ROR2: variants seen among roughly 807,000 people sequenced by gnomAD.
ROR2 encodes the protein tyrosine-protein kinase transmembrane receptor ROR2.
ROR2 carries 33 observed loss-of-function variants against 74.9 expected under a neutral mutation model. The observed-to-expected ratio is 0.44, with a 90% CI of 0.33 to 0.59. ROR2 has a LOEUF of 0.59. Ranked by LOEUF, ROR2 falls within the 20% of genes least tolerant of loss-of-function variation. The pLI is 0.02. For missense variants in ROR2, 1,216 were observed against 1,313.8 expected, an observed-to-expected ratio of 0.93 and a Z score of 1.15; for synonymous variants, 586 against 558.7, an observed-to-expected ratio of 1.05 and a Z score of -0.69.
intron 1 of ROR2, among the ~76,000 whole-genome samples, chr9:91,853,737 G>C (rs1332650703): frequency 6.6e-6 from 1 of 152,200 alleles, no homozygotes; most frequent in Non-Finnish European, 1.5e-5. Context: ...GGCTGATGCT[G>C]TGACAGTAGC....
At chr9:91,789,198 A>G (rs1403343690) in intron 1 of ROR2, among the ~76,000 whole-genome samples, 1 of 152,250 alleles carries the variant, frequency 6.6e-6, no homozygotes, top group Non-Finnish European at 1.5e-5. Flanking sequence ...GCACTGAAAT[A>G]TCAGACTGTG....
chr9:91,785,207 G>A (rs1826756711), intron 1 of ROR2, among the ~76,000 whole-genome samples: 1 of 152,130 alleles, frequency 6.6e-6, no homozygotes, highest in Admixed American at 6.5e-5. Flanking sequence ...TCTTTCCTCT[G>A]CCTGGAAAAT....
intron 1 of ROR2, among the ~76,000 whole-genome samples, chr9:91,935,291 G>A (rs1329236602): frequency 6.6e-6 from 1 of 152,218 alleles, no homozygotes; most frequent in Admixed American, 6.5e-5. Flanking sequence ...CTGCCCTGCG[G>A]GCTCCACAAA....
intron 1 of ROR2, among the ~76,000 whole-genome samples, chr9:91,878,718 A>T (rs966181693): frequency 6.6e-6 from 1 of 152,190 alleles, no homozygotes; most frequent in Non-Finnish European, 1.5e-5. Context: ...GACCAAAATT[A>T]AAACCCAACT....
intron 1 of ROR2, among the ~76,000 whole-genome samples, chr9:91,885,277 T>C (rs1388323446): frequency 6.6e-6 from 1 of 152,040 alleles, no homozygotes; most frequent in Non-Finnish European, 1.5e-5. Flanking sequence ...ACCGGAAAAC[T>C]TTAAAAAGGA....
chr9:91,823,237 A>G (rs1261834864), intron 1 of ROR2, among the ~76,000 whole-genome samples: 1 of 152,162 alleles, frequency 6.6e-6, no homozygotes. Context: ...TGCTGCCATT[A>G]TGGAGAATGA....
chr9:91,735,748 C>T (rs148517898), intron 5 of ROR2, among the ~76,000 whole-genome samples: 2 of 150,800 alleles, frequency 1.3e-5, no homozygotes, highest in Non-Finnish European at 2.9e-5. Context: ...TCCCAAGTAG[C>T]TGGGATTACA....
intron 1 of ROR2, among the ~76,000 whole-genome samples, chr9:91,801,980 G>A (rs1564285691): frequency 6.6e-6 from 1 of 152,082 alleles, no homozygotes; most frequent in Non-Finnish European, 1.5e-5. Context: ...GCAGGTTTGC[G>A]TGACTGGGCT....
At chr9:91,841,015 G>A (rs746133063) in intron 1 of ROR2, among the ~76,000 whole-genome samples, 1 of 152,216 alleles carries the variant, frequency 6.6e-6, no homozygotes, top group Non-Finnish European at 1.5e-5. Flanking sequence ...CTCCTTATAT[G>A]TAATACAGCA....
intron 1 of ROR2, among the ~76,000 whole-genome samples, chr9:91,808,149 T>C (rs1420177222): frequency 6.6e-6 from 1 of 152,158 alleles, no homozygotes; most frequent in Non-Finnish European, 1.5e-5. Context: ...TACTTGTGCA[T>C]ATGATGACAG....
At position 91,798,273 on chromosome 9, in the gene ROR2, C is replaced by A. The variant is rs1263672982; in HGVS notation, c.98-22455G>T. Among the ~76,000 whole-genome samples, 17 of 137,344 alleles carry A rather than the reference C, an allele frequency of 1.2e-4. 1 individual carries two copies. The highest frequency in any genetic ancestry group is 1.2e-3 in the Admixed American group (17 of 13,996). 90.1% of individuals were successfully genotyped at this position (137,344 alleles called of 152,430 possible). A position where few individuals can be genotyped will look rare whatever the true frequency, so the allele number is the denominator to read the frequency against. On this transcript the variant is annotated intron_variant, in intron 1 of 8. Transcript: ENST00000375708. ...GCATTCTGTGGGCGGGGCTGACACCCTAGGCTCTGTGGGTGGGGAATGACA... is the reference window on the plus strand; with the variant it reads ...GCATTCTGTGGGCGGGGCTGACACCATAGGCTCTGTGGGTGGGGAATGACA...
intron 1 of ROR2, among the ~76,000 whole-genome samples, chr9:91,917,748 G>C (rs74680418): frequency 0.053 from 8,120 of 152,274 alleles, 463 homozygotes; most frequent in East Asian, 0.21. Flanking sequence ...GTGCTCAGGA[G>C]AGCATCTGGA....
intron 1 of ROR2, among the ~76,000 whole-genome samples, chr9:91,909,857 T>G (rs897454493): frequency 1.6e-5 from 2 of 124,428 alleles, no homozygotes; most frequent in Non-Finnish European, 3.3e-5. Context: ...GTTTTTTTTT[T>G]TTTTTTTTTT....
intron 1 of ROR2, among the ~76,000 whole-genome samples, chr9:91,832,293 AT>A (rs1828483976): frequency 7.4e-6 from 1 of 135,822 alleles, no homozygotes; most frequent in South Asian, 2.4e-4. Flanking sequence ...AGATTATGTT[AT>A]GTTTTCAAAC....
chr9:91,757,333 C>T lies in ROR2; in HGVS notation c.402G>A (p.Gln134=). 6.2e-7 allele frequency: 1 copy of T among 1,614,064 alleles called. No individual in the cohort carries two copies. The change falls in exon 3 of 9, where the codon CAG becomes CAA. Residue 134 remains glutamine, a synonymous_variant. Coordinates refer to ENST00000375708, the MANE Select transcript of ROR2 (RefSeq NM_004560.4). ...TCTTCATCCCGTTGGTGGCCACGCA[C>T]TGGTAGTAGCCAGTGTCTGTCGTGT... ...DLDTTDTGYY[Q]CVATNGMKTI... is the part of the protein sequence containing the mutation.
intron 1 of ROR2, among the ~76,000 whole-genome samples, chr9:91,812,573 C>A (rs919817228): frequency 6.7e-6 from 1 of 150,180 alleles, no homozygotes. Context: ...ACCCCCCCCA[C>A]ACACACGTGT....
chr9:91,857,877 T>C (rs1291459983), intron 1 of ROR2, among the ~76,000 whole-genome samples: 2 of 151,998 alleles, frequency 1.3e-5, no homozygotes, highest in Non-Finnish European at 2.9e-5. Flanking sequence ...TTAATTATGA[T>C]AAAAGAGAGT....
chr9:91,882,410 CAAA>C (rs35759814), intron 1 of ROR2, among the ~76,000 whole-genome samples: 2 of 118,614 alleles, frequency 1.7e-5, no homozygotes. Context: ...GACTCTGTCT[CAAA>C]AAAAAAAAAA....
At chr9:91,778,356 T>C (rs565770655) in intron 1 of ROR2, among the ~76,000 whole-genome samples, 1 of 152,306 alleles carries the variant, frequency 6.6e-6, no homozygotes, top group South Asian at 2.1e-4. Context: ...GCCAACCCGA[T>C]ATGGCTGGTG....
Sources: gnomAD v4.1 joint callset for allele counts (sites outside exome capture counted in the v4.1 genomes callset) on GRCh38, gnomAD v4.1.1 for gene constraint, MANE v1.5 for transcripts, NCBI Gene and HGNC (gene_info 2026-07-23, HGNC 2026-07-21) for gene names.